The following KLF12 variants were observed in gnomAD, a reference collection of about 807,000 sequenced individuals.
The protein encoded by KLF12 is Krueppel-like factor 12.
KLF12 carries 9 observed loss-of-function variants against 37.8 expected under a neutral mutation model. The observed-to-expected ratio is 0.24, with a 90% CI of 0.14 to 0.42. The LOEUF (loss-of-function observed/expected upper bound fraction) is 0.42. Among genes scored for constraint, KLF12 ranks in the 10% least tolerant of loss-of-function variants. The pLI, the probability that KLF12 is intolerant of heterozygous loss-of-function variation, is 1.00. For missense variants in KLF12, 411 were observed against 516.0 expected, an observed-to-expected ratio of 0.80 and a Z score of 1.97; for synonymous variants, 208 against 202.1, an observed-to-expected ratio of 1.03 and a Z score of -0.25.
At chr13:73,722,322 C>T (rs1057039994) in intron 6 of KLF12, among the ~76,000 whole-genome samples, 5 of 152,176 alleles carry the variant, frequency 3.3e-5, no homozygotes, top group African/African-American at 1.2e-4. Flanking sequence ...CATGAACAAG[C>T]CAGATATCTG....
At chr13:73,803,265 A>C (rs1882379299) in intron 5 of KLF12, among the ~76,000 whole-genome samples, 1 of 152,174 alleles carries the variant, frequency 6.6e-6, no homozygotes, top group African/African-American at 2.4e-5. Flanking sequence ...AATTATAATG[A>C]ATCTTCTTCA....
chr13:73,994,372 T>C (rs17061886), intron 2 of KLF12, among the ~76,000 whole-genome samples: 11,642 of 152,224 alleles, frequency 0.076, 687 homozygotes, highest in African/African-American at 0.17. Context: ...TCACCTATGA[T>C]TTTTACATTG....
At chr13:74,277,324 C>T in the KLF12 span, among the ~76,000 whole-genome samples, 103 of 152,252 alleles carry the variant, frequency 6.8e-4, no homozygotes, top group Non-Finnish European at 2.2e-4. Context: ...TGGCCCATAT[C>T]ATGTTTGACC....
At chr13:73,757,950 A>G (rs1483769181) in intron 6 of KLF12, among the ~76,000 whole-genome samples, 3 of 152,274 alleles carry the variant, frequency 2.0e-5, no homozygotes, top group East Asian at 3.9e-4. Flanking sequence ...TATCACAGAT[A>G]CATATATTTT....
upstream of KLF12, among the ~76,000 whole-genome samples, chr13:74,135,505 C>G (rs1023179882): frequency 6.6e-6 from 1 of 151,528 alleles, no homozygotes; most frequent in Non-Finnish European, 1.5e-5. Flanking sequence ...CCGGGCGGCC[C>G]TGCAGTTCCC....
At chr13:73,988,607 C>T (rs1043898229) in intron 2 of KLF12, among the ~76,000 whole-genome samples, 2 of 152,136 alleles carry the variant, frequency 1.3e-5, no homozygotes, top group African/African-American at 2.4e-5. Flanking sequence ...AGAGAATTGG[C>T]GATGATTCTA....
In KLF12 at chr13:73,788,599, C is replaced by G. The variant is rs575317235; in HGVS notation, c.807-23599G>C. Among the ~76,000 whole-genome samples, 72 of 152,242 alleles carry G rather than the reference C, an allele frequency of 4.7e-4. 1 individual carries two copies. In the South Asian group the frequency reaches 0.015, roughly 32 times the overall value. ...GTGGAACACCTTTGTGCTCGTATAT[C>G]AAGCACACATCATGTTCCCTTTATC... On this transcript the variant is annotated intron_variant, in intron 5 of 7. Coordinates refer to ENST00000377669, the MANE Select transcript of KLF12 (RefSeq NM_007249.5).
chr13:73,918,412 T>A (rs1288067529), intron 3 of KLF12, among the ~76,000 whole-genome samples: 2 of 152,184 alleles, frequency 1.3e-5, no homozygotes, highest in Non-Finnish European at 2.9e-5. Context: ...GAAAATTCAA[T>A]CCTCCAGTCC....
At chr13:74,018,895 T>C (rs550549078) in intron 1 of KLF12, among the ~76,000 whole-genome samples, 10 of 152,332 alleles carry the variant, frequency 6.6e-5, no homozygotes, top group South Asian at 2.1e-4. Flanking sequence ...AGCCTTATCA[T>C]AGATGATTCA....
At chr13:73,940,226 C>T (rs554367470) in intron 3 of KLF12, among the ~76,000 whole-genome samples, 3 of 152,278 alleles carry the variant, frequency 2.0e-5, no homozygotes, top group South Asian at 2.1e-4. Context: ...GCAGGACGCA[C>T]GCACCAAAGT....
intron 1 of KLF12, among the ~76,000 whole-genome samples, chr13:74,043,417 C>T (rs1320302805): frequency 1.3e-5 from 2 of 152,168 alleles, no homozygotes; most frequent in Non-Finnish European, 2.9e-5. Flanking sequence ...TTCCAACTTC[C>T]GTACAAACAT....
At chr13:74,176,344 T>C in the KLF12 span, among the ~76,000 whole-genome samples, 1 of 152,144 alleles carries the variant, frequency 6.6e-6, no homozygotes, top group African/African-American at 2.4e-5. Context: ...ATACATAAAA[T>C]TTTTCATTTG....
Position 73,715,443 on chromosome 13 carries a change from T to C in KLF12, c.952A>G (p.Arg318Gly). 1 of 1,614,118 alleles carries C rather than the reference T, an allele frequency of 6.2e-7. No homozygotes were observed. Among genetic ancestry groups the C allele is most frequent in the Non-Finnish European group, 8.5e-7 (1 of 1,179,966 alleles). The change falls in exon 7 of 8, where the codon AGA becomes GGA. Residue 318 changes from arginine (R) to glycine (G), a missense_variant. This residue lies in a region of KLF12 where 60 missense variants were observed against 118.2 expected (regional missense o/e 0.51). Coordinates refer to ENST00000377669, the MANE Select transcript of KLF12 (RefSeq NM_007249.5). ...TTGTTGCATCCCTCAAAATCACATC[T>C]GTGGATACGCCGTTTTCTGGAGTCT...
At chr13:73,730,129 G>A (rs779572075) in intron 6 of KLF12, among the ~76,000 whole-genome samples, 13 of 152,052 alleles carry the variant, frequency 8.5e-5, no homozygotes, top group African/African-American at 2.9e-4. Context: ...GACAGATGCC[G>A]AGGGACTCCT....
chr13:73,691,822 G>C lies in KLF12; in HGVS notation c.*3668C>G, dbSNP rs532439937. 4.6e-5 allele frequency: 7 copies of C among 152,682 alleles called. No individual in the cohort carries two copies. In the East Asian group the frequency reaches 1.3e-3, roughly 29 times the overall value. 9.5% of individuals were successfully genotyped at this position (152,682 alleles called of 1,614,324 possible). On this transcript the variant is annotated 3_prime_UTR_variant, in exon 8 of 8. Transcript: ENST00000377669. ...AGTGCAGAATTATGTTTAAAACACAGATGGCAATTTAAAGTTAAAAAGAAT... is the reference window on the plus strand; with the variant it reads ...AGTGCAGAATTATGTTTAAAACACACATGGCAATTTAAAGTTAAAAAGAAT...
At chr13:74,221,868 T>C in the KLF12 span, among the ~76,000 whole-genome samples, 1 of 152,158 alleles carries the variant, frequency 6.6e-6, no homozygotes, top group Non-Finnish European at 1.5e-5. Context: ...AAGCTCACAT[T>C]TTGGGATGGG....
intron 1 of KLF12, among the ~76,000 whole-genome samples, chr13:74,118,925 G>C (rs1877465542): frequency 6.6e-6 from 1 of 152,020 alleles, no homozygotes; most frequent in Non-Finnish European, 1.5e-5. Context: ...GAAAACTAAA[G>C]GAGAAAAAGA....
chr13:74,059,612 T>TG (rs1235275123), intron 1 of KLF12, among the ~76,000 whole-genome samples: 1 of 152,242 alleles, frequency 6.6e-6, no homozygotes, highest in African/African-American at 2.4e-5. Flanking sequence ...TTCATGACCT[T>TG]GGTCCACTTT....
the KLF12 span, among the ~76,000 whole-genome samples, chr13:74,298,844 G>T: frequency 2.0e-5 from 3 of 152,216 alleles, no homozygotes; most frequent in South Asian, 2.1e-4. Context: ...TTGTTTTGAA[G>T]CACACATTTT....
Sources: gnomAD v4.1 joint callset for allele counts (sites outside exome capture counted in the v4.1 genomes callset) on GRCh38, gnomAD v4.1.1 for gene constraint, gnomAD v4.1.1 regional missense constraint, MANE v1.5 for transcripts, NCBI Gene and HGNC (gene_info 2026-07-23, HGNC 2026-07-21) for gene names.